The following MTMR3 variants were observed in gnomAD, a reference collection of about 807,000 sequenced individuals.
MTMR3 encodes the protein phosphatidylinositol-3,5-bisphosphate 3-phosphatase MTMR3.
In MTMR3, 32 loss-of-function variants were observed where a neutral mutation model predicts 132.4. The ratio of observed to expected loss-of-function variants is 0.24; its 90% CI spans 0.18 to 0.32. The LOEUF (loss-of-function observed/expected upper bound fraction) is 0.32. Ranked by LOEUF, MTMR3 falls within the 10% of genes least tolerant of loss-of-function variation. MTMR3 has a pLI of 1.00. For synonymous variants in MTMR3, 556 were observed against 550.3 expected (o/e 1.01, Z -0.14); for missense variants, 1,216 against 1,489.6 (o/e 0.82, Z 3.02).
At chr22:29,898,083 C>G (rs2145720145) in intron 1 of MTMR3, among the ~76,000 whole-genome samples, 1 of 152,202 alleles carries the variant, frequency 6.6e-6, no homozygotes. Context: ...TCAAGTGATT[C>G]TCGAGCCTCA....
chr22:29,939,932 A>C (rs1316039831), intron 1 of MTMR3, among the ~76,000 whole-genome samples: 7 of 152,140 alleles, frequency 4.6e-5, no homozygotes, highest in Non-Finnish European at 1.0e-4. Flanking sequence ...AATTGACCTT[A>C]TGACAATACA....
At chr22:29,980,763 A>C (rs1455961897) in intron 5 of MTMR3, 1 of 152,216 alleles carries the variant, frequency 6.6e-6, no homozygotes, top group East Asian at 1.9e-4. Flanking sequence ...GCTGGAAAGC[A>C]AGCAGGAAAG....
intron 1 of MTMR3, among the ~76,000 whole-genome samples, chr22:29,912,101 G>C (rs1219309975): frequency 1.4e-5 from 2 of 144,404 alleles, no homozygotes; most frequent in Non-Finnish European, 3.0e-5. Context: ...TGAACTTGTA[G>C]TAATTGCTTT....
chr22:29,952,171 AT>A (rs1333299998), intron 1 of MTMR3, among the ~76,000 whole-genome samples: 1 of 152,138 alleles, frequency 6.6e-6, no homozygotes, highest in Non-Finnish European at 1.5e-5. Context: ...ACAAGAAATG[AT>A]TATAACTTGG....
chr22:29,946,927 A>G lies in MTMR3; in HGVS notation c.-137-10109A>G, dbSNP rs558452601. 1.7e-3 allele frequency among the ~76,000 whole-genome samples: 265 copies of G among 152,326 alleles called. 3 individuals carry two copies. The highest frequency in any genetic ancestry group is 0.017 in the Middle Eastern group (5 of 294). Reference sequence around the variant, plus strand: ...CACCAATGATAATATATACCACGGCATGGAAATACTGGTAATAGAGTACTC... The same window carrying G: ...CACCAATGATAATATATACCACGGCGTGGAAATACTGGTAATAGAGTACTC... On this transcript the variant is annotated intron_variant, in intron 1 of 19. Coordinates refer to ENST00000401950, the MANE Select transcript of MTMR3 (RefSeq NM_021090.4).
intron 2 of MTMR3, among the ~76,000 whole-genome samples, chr22:29,967,194 TGTGTG>T (rs1265913303): frequency 1.6e-3 from 3 of 1,838 alleles, no homozygotes; most frequent in Non-Finnish European, 4.2e-3. Flanking sequence ...TCACCTCTGT[TGTGTG>T]TGTGTGTGTG....
rs780557650 is a variant in MTMR3, at chr22:30,009,001, A to G, written c.1010-17A>G. ...AGTTCAACGTATTTGTGTTCTCTTT[A>G]TTGTTACTCTCTCCAGAGTATTACC... On this transcript the variant is annotated splice_polypyrimidine_tract_variant and intron_variant, in intron 11 of 19. Coordinates refer to ENST00000401950, the MANE Select transcript of MTMR3 (RefSeq NM_021090.4). The G allele has an allele frequency of 1.4e-5, 21 of 1,538,158 alleles. No homozygotes were observed. The South Asian group carries it at 1.8e-4, about 13-fold the overall frequency.
chr22:29,909,113 C>G (rs546022464), intron 1 of MTMR3, among the ~76,000 whole-genome samples: 22 of 151,992 alleles, frequency 1.4e-4, no homozygotes, highest in Non-Finnish European at 3.1e-4. Context: ...AATTTAGCCT[C>G]CACCATGCTC....
intron 1 of MTMR3, among the ~76,000 whole-genome samples, chr22:29,933,120 C>T (rs1289050833): frequency 6.6e-6 from 1 of 152,078 alleles, no homozygotes; most frequent in Admixed American, 6.6e-5. Flanking sequence ...AGGTGCGTGC[C>T]ACCAGGTCTG....
intron 1 of MTMR3, among the ~76,000 whole-genome samples, chr22:29,912,156 G>A (rs1157067166): frequency 2.6e-5 from 4 of 152,300 alleles, no homozygotes; most frequent in African/African-American, 9.6e-5. Context: ...TTAGACTTCT[G>A]CAAAATGAGT....
chr22:29,975,537 G>A (rs1412799731), intron 3 of MTMR3, among the ~76,000 whole-genome samples: 4 of 152,178 alleles, frequency 2.6e-5, no homozygotes, highest in South Asian at 2.1e-4. Flanking sequence ...AAAAGGAAGA[G>A]TATTTTAAGT....
Position 30,029,305 on chromosome 22 carries a change from C to T in MTMR3, c.*3504C>T, listed in dbSNP as rs2067970871. On this transcript the variant is annotated 3_prime_UTR_variant, in exon 20 of 20. Transcript: ENST00000401950. ...TTCTTCTATACCTTGGCCTCTGTAA[C>T]TGCAGTCCAAAACAAGTTACAGCTG... is the stretch of plus-strand genomic sequence containing the variant. 6.6e-6 allele frequency: 1 copy of T among 152,366 alleles called. No individual in the cohort carries two copies. The highest frequency in any genetic ancestry group is 6.5e-5 in the Admixed American group (1 of 15,290). The allele number at this position is 152,366 out of a possible 1,614,324, so 9.4% of individuals were successfully genotyped here. A position where few individuals can be genotyped will look rare whatever the true frequency, so the allele number is the denominator to read the frequency against.
intron 1 of MTMR3, among the ~76,000 whole-genome samples, chr22:29,937,554 C>A (rs542155465): frequency 6.6e-6 from 1 of 152,004 alleles, no homozygotes; most frequent in Non-Finnish European, 1.5e-5. Flanking sequence ...GTAGCGGGGA[C>A]TATAGGCTAC....
At chr22:29,901,393 C>T (rs150286812) in intron 1 of MTMR3, among the ~76,000 whole-genome samples, 153 of 152,038 alleles carry the variant, frequency 1.0e-3, no homozygotes, top group Admixed American at 2.9e-3. Flanking sequence ...GTTCTTGCTT[C>T]GGTGGTTTAA....
At chr22:29,969,196 G>A (rs962779744) in intron 2 of MTMR3, among the ~76,000 whole-genome samples, 1 of 152,142 alleles carries the variant, frequency 6.6e-6, no homozygotes, top group Non-Finnish European at 1.5e-5. Context: ...TTCCTTGTCC[G>A]TTGAGCTGTC....
intron 3 of MTMR3, among the ~76,000 whole-genome samples, chr22:29,976,485 T>G (rs1161486899): frequency 6.6e-6 from 1 of 152,180 alleles, no homozygotes; most frequent in African/African-American, 2.4e-5. Context: ...GCACCATACA[T>G]CAGAGGTGTT....
chr22:29,916,310 T>G (rs749239778), intron 1 of MTMR3, among the ~76,000 whole-genome samples: 2 of 152,210 alleles, frequency 1.3e-5, no homozygotes, highest in African/African-American at 2.4e-5. Flanking sequence ...ACCCAGTGGT[T>G]GTTCTTTGCC....
rs764473075 is a variant in MTMR3, at chr22:30,020,682, A to G, written c.3023A>G (p.Asp1008Gly). The G allele has an allele frequency of 6.2e-7, 1 of 1,614,184 alleles. No homozygotes were observed. The highest frequency in any genetic ancestry group is 8.5e-7 in the Non-Finnish European group (1 of 1,180,028). The change falls in exon 17 of 20, where the codon GAC (aspartate) becomes GGC (glycine). Residue 1008 changes from aspartate (D) to glycine (G), a missense_variant. This residue lies in a region of MTMR3 where 852 missense variants were observed against 852.0 expected (regional missense o/e 1.00). Transcript: ENST00000401950. ...SGRPSATSSP[D>G]QPSRSHLDDD... ...AGGCCATCTGCAACCAGCAGCCCCGACCAGCCTTCCCGCAGCCACCTGGAC... is the reference window on the plus strand; with the variant it reads ...AGGCCATCTGCAACCAGCAGCCCCGGCCAGCCTTCCCGCAGCCACCTGGAC...
At chr22:29,913,880 G>C (rs1037540374) in intron 1 of MTMR3, among the ~76,000 whole-genome samples, 1 of 151,994 alleles carries the variant, frequency 6.6e-6, no homozygotes, top group Non-Finnish European at 1.5e-5. Context: ...GCCTGCTGAG[G>C]AGCTGGGACT....
Sources: gnomAD v4.1 joint callset for allele counts (sites outside exome capture counted in the v4.1 genomes callset) on GRCh38, gnomAD v4.1.1 for gene constraint, gnomAD v4.1.1 regional missense constraint, MANE v1.5 for transcripts, NCBI Gene and HGNC (gene_info 2026-07-23, HGNC 2026-07-21) for gene names.